The following OR13C8 variants were observed in gnomAD, a reference collection of about 807,000 sequenced individuals.
The protein encoded by OR13C8 is olfactory receptor family 13 subfamily C member 8.
For synonymous variants in OR13C8, 149 were observed against 143.6 expected (o/e 1.04, Z -0.27); for missense variants, 382 against 388.1 (o/e 0.98, Z 0.13).
In OR13C8 at chr9:104,569,578, C is replaced by G; in HGVS notation, c.411C>G (p.Ser137Arg). 6.2e-7 allele frequency: 1 copy of G among 1,614,164 alleles called. No individual in the cohort carries two copies. Among genetic ancestry groups the G allele is most frequent in the South Asian group, 1.1e-5 (1 of 91,078 alleles). Reference sequence around the variant, plus strand: ...CACTGAGATACCCTGTCATCATGAGCAAGGGTGCCTATGTGGCCATGGCAG... The same window carrying G: ...CACTGAGATACCCTGTCATCATGAGGAAGGGTGCCTATGTGGCCATGGCAG... ...CYPLRYPVIMSKGAYVAMAAG... is the reference protein window; with the variant it reads ...CYPLRYPVIMRKGAYVAMAAG... The change falls in exon 1 of 1, where the codon AGC becomes AGG. Residue 137 changes from serine to arginine, a missense_variant. Transcript: ENST00000335040.
chr9:104,569,226 A>AC lies in OR13C8; in HGVS notation c.62dup (p.Leu23AlafsTer30). The stretch of plus-strand genomic sequence containing the variant: ...TTTTTCCTGGTAGGGCTTTCTGCCC[A>AC]CCCAAAGCTCCAGACAGTTTTCTTC... On this transcript the variant is annotated frameshift_variant, in exon 1 of 1. Coordinates refer to ENST00000335040, the MANE Select transcript of OR13C8 (RefSeq NM_001004483.1). LOFTEE classifies it low-confidence loss of function (END_TRUNC). The AC allele has an allele frequency of 6.2e-7, 1 of 1,614,042 alleles. No individual in the cohort carries two copies. The highest frequency in any genetic ancestry group is 8.5e-7 in the Non-Finnish European group (1 of 1,179,912).
In OR13C8 at chr9:104,570,055, T is replaced by C. The variant is rs761272984; in HGVS notation, c.888T>C (p.Tyr296=). The C allele has an allele frequency of 4.3e-6, 7 of 1,613,922 alleles. No individual in the cohort carries two copies. The highest frequency in any genetic ancestry group is 3.3e-5 in the South Asian group (3 of 91,052). The change falls in exon 1 of 1, where the codon TAT becomes TAC. Residue 296 remains tyrosine (Y), a synonymous_variant. Coordinates refer to ENST00000335040, the MANE Select transcript of OR13C8 (RefSeq NM_001004483.1). ...CTCCCATGCTTAATCCTCTCATCTA[T>C]AGTCTGCGAAACAAGGATGTAAAGG... The part of the protein sequence containing the change: ...VMTPMLNPLI[Y]SLRNKDVKAA...
chr9:104,569,790 T>G lies in OR13C8; in HGVS notation c.623T>G (p.Val208Gly). The change falls in exon 1 of 1, where the codon GTT becomes GGT. Residue 208 changes from valine (V) to glycine (G), a missense_variant. By Grantham distance (109) the Val-to-Gly change is moderately radical. Transcript: ENST00000335040. ...SMTGSNLIVL[V>G]IPLLVISISY... ...ACAGGGTCGAATCTGATTGTTCTGG[T>G]TATTCCATTGTTAGTAATTTCCATC... 6.2e-7 allele frequency: 1 copy of G among 1,614,166 alleles called. No individual in the cohort carries two copies. The highest frequency in any genetic ancestry group is 8.5e-7 in the Non-Finnish European group (1 of 1,180,014).
rs752699615 is a variant in OR13C8 at position 104,569,264 on chromosome 9, T to C, written c.97T>C (p.Trp33Arg). 1 of 1,614,112 alleles carries C rather than the reference T, an allele frequency of 6.2e-7. No homozygotes were observed. Reference sequence around the variant, plus strand: ...GACAGTTTTCTTCGTTCTAATTTTGTGGATGTACCTGATGATCCTGCTTGG... The same window carrying C: ...GACAGTTTTCTTCGTTCTAATTTTGCGGATGTACCTGATGATCCTGCTTGG... ...LQTVFFVLIL[W>R]MYLMILLGNG... Residue 33 changes from tryptophan to arginine, a missense_variant, in exon 1 of 1, where the codon TGG (tryptophan) becomes CGG (arginine). Transcript: ENST00000335040.
At position 104,569,371 on chromosome 9, in the gene OR13C8, C is replaced by T; in HGVS notation, c.204C>T (p.Phe68=). ...PMYFFLCNLS[F]LDVCYTSSSV... ...ATTTCTTCCTCTGTAATCTTTCCTT[C>T]CTCGACGTTTGCTACACAAGTTCCT... is the stretch of plus-strand genomic sequence containing the variant. The change falls in exon 1 of 1, where the codon TTC becomes TTT. Residue 68 remains phenylalanine (F), a synonymous_variant. Transcript: ENST00000335040. 1 of 1,614,226 alleles carries T rather than the reference C, an allele frequency of 6.2e-7. No individual in the cohort carries two copies. Among genetic ancestry groups the T allele is most frequent in the East Asian group, 2.2e-5 (1 of 44,882 alleles).
rs770741644 is a variant in OR13C8, at chr9:104,569,654, G to A, written c.487G>A (p.Ala163Thr). 7.4e-6 allele frequency: 12 copies of A among 1,613,898 alleles called. No homozygotes were observed. In the South Asian group the frequency reaches 1.1e-4, roughly 15 times the overall value. ...GGACTCAGTAGTGCAGACAGCTTTT[G>A]CAATGCAGTTACCATTCTGTGCTAA... Reference protein sequence around the residue: ...LVDSVVQTAFAMQLPFCANNV... With the variant: ...LVDSVVQTAFTMQLPFCANNV... Residue 163 changes from alanine to threonine, a missense_variant, in exon 1 of 1, where the codon GCA becomes ACA. Physicochemically the swap from Ala to Thr is moderately conservative, Grantham distance 58. Coordinates refer to ENST00000335040, the MANE Select transcript of OR13C8 (RefSeq NM_001004483.1).
At position 104,569,529 on chromosome 9, in the gene OR13C8, A is replaced by G. The variant is rs762779018; in HGVS notation, c.362A>G (p.Asp121Gly). Reference sequence around the variant, plus strand: ...ATGATCTTAGGCACGATGGCACTGGACCGCTATGTGGCCATCTGCTACCCA... The same window carrying G: ...ATGATCTTAGGCACGATGGCACTGGGCCGCTATGTGGCCATCTGCTACCCA... ...ECMILGTMAL[D>G]RYVAICYPLR... The change falls in exon 1 of 1, where the codon GAC (aspartate) becomes GGC (glycine). Residue 121 changes from aspartate to glycine, a missense_variant. Physicochemically the swap from Asp to Gly is moderately conservative, Grantham distance 94. Coordinates refer to ENST00000335040, the MANE Select transcript of OR13C8 (RefSeq NM_001004483.1). 2 of 1,614,124 alleles carry G rather than the reference A, an allele frequency of 1.2e-6. No homozygotes were observed. The highest frequency in any genetic ancestry group is 1.7e-6 in the Non-Finnish European group (2 of 1,180,024).
chr9:104,569,394 C>T lies in OR13C8; in HGVS notation c.227C>T (p.Ser76Phe). 1 of 1,614,200 alleles carries T rather than the reference C, an allele frequency of 6.2e-7. No homozygotes were observed. Among genetic ancestry groups the T allele is most frequent in the Non-Finnish European group, 8.5e-7 (1 of 1,180,046 alleles). Residue 76 changes from serine (S) to phenylalanine (F), a missense_variant, in exon 1 of 1, where the codon TCC becomes TTC. Ser to Phe is a radical substitution (Grantham distance 155). Coordinates refer to ENST00000335040, the MANE Select transcript of OR13C8 (RefSeq NM_001004483.1). The part of the protein sequence containing the change: ...LSFLDVCYTS[S>F]SVPLILASFL... ...TTCCTCGACGTTTGCTACACAAGTT[C>T]CTCTGTCCCACTAATTCTTGCCAGC...
rs1829162351 is a variant in OR13C8, at chr9:104,570,112, C to A, written c.945C>A (p.Asn315Lys). 1.3e-6 allele frequency: 2 copies of A among 1,594,364 alleles called. No individual in the cohort carries two copies. The highest frequency in any genetic ancestry group is 2.2e-5 in the South Asian group (2 of 89,324). Residue 315 changes from asparagine to lysine, a missense_variant, in exon 1 of 1, where the codon AAC (asparagine) becomes AAA (lysine). By Grantham distance (94) the Asn-to-Lys change is moderately conservative. Coordinates refer to ENST00000335040, the MANE Select transcript of OR13C8 (RefSeq NM_001004483.1). ...AAVKNILCRK[N>K]FSDGK ...TCAAAAACATACTGTGTAGGAAAAA[C>A]TTTTCTGATGGAAAATGAATACTGA...
Position 104,569,768 on chromosome 9 carries a change from G to A in OR13C8, c.601G>A (p.Gly201Arg). 1.2e-6 allele frequency: 2 copies of A among 1,614,158 alleles called. No homozygotes were observed. Among genetic ancestry groups the A allele is most frequent in the Non-Finnish European group, 1.7e-6 (2 of 1,180,030 alleles). The change falls in exon 1 of 1, where the codon GGG (glycine) becomes AGG (arginine). Residue 201 changes from glycine to arginine, a missense_variant. Physicochemically the swap from Gly to Arg is moderately radical, Grantham distance 125 (BLOSUM62 -2). Transcript: ENST00000335040. The stretch of plus-strand genomic sequence containing the variant: ...TTCAATCAATGTGATTAGTATGACA[G>A]GGTCGAATCTGATTGTTCTGGTTAT... ...DISINVISMT[G>R]SNLIVLVIPL...
At position 104,569,849 on chromosome 9, in the gene OR13C8, A is replaced by C; in HGVS notation, c.682A>C (p.Ile228Leu). Reference sequence around the variant, plus strand: ...ATTTATTGTTGCCACTATTCTGAGGATTCCTTCCACTGAAGGAAAACATAA... The same window carrying C: ...ATTTATTGTTGCCACTATTCTGAGGCTTCCTTCCACTGAAGGAAAACATAA... ...YIFIVATILR[I>L]PSTEGKHKAF... Residue 228 changes from isoleucine to leucine, a missense_variant, in exon 1 of 1, where the codon ATT (isoleucine) becomes CTT (leucine). Transcript: ENST00000335040. 6.2e-7 allele frequency: 1 copy of C among 1,614,060 alleles called. No individual in the cohort carries two copies. The highest frequency in any genetic ancestry group is 8.5e-7 in the Non-Finnish European group (1 of 1,179,942).
Position 104,569,940 on chromosome 9 carries a change from T to A in OR13C8, c.773T>A (p.Met258Lys). Residue 258 changes from methionine to lysine, a missense_variant, in exon 1 of 1, where the codon ATG becomes AAG. Met to Lys is a moderately conservative substitution (Grantham distance 95). Coordinates refer to ENST00000335040, the MANE Select transcript of OR13C8 (RefSeq NM_001004483.1). ...VIIFYGTIFF[M>K]YAKPESKASV... is the part of the protein sequence containing the mutation. The stretch of plus-strand genomic sequence containing the variant: ...ATATTCTATGGAACCATCTTCTTCA[T>A]GTACGCAAAGCCTGAGTCTAAAGCC... 1 of 1,614,208 alleles carries A rather than the reference T, an allele frequency of 6.2e-7. No individual in the cohort carries two copies. The highest frequency in any genetic ancestry group is 1.3e-5 in the African/African-American group (1 of 75,058).
Position 104,569,725 on chromosome 9 carries a change from A to G in OR13C8, c.558A>G (p.Lys186=), listed in dbSNP as rs754583587. Residue 186 remains lysine, a synonymous_variant, in exon 1 of 1, where the codon AAA becomes AAG. Coordinates refer to ENST00000335040, the MANE Select transcript of OR13C8 (RefSeq NM_001004483.1). ...TCTGTGAAATTCTGGCTATCTTGAA[A>G]CTGGCCTGTGCTGATATTTCAATCA... ...HFVCEILAIL[K]LACADISINV... 1.2e-6 allele frequency: 2 copies of G among 1,614,160 alleles called. No homozygotes were observed. The highest frequency in any genetic ancestry group is 2.2e-5 in the South Asian group (2 of 91,080).
chr9:104,569,920 C>T lies in OR13C8; in HGVS notation c.753C>T (p.Phe251=). ...CSAHLTVVII[F]YGTIFFMYAK... The stretch of plus-strand genomic sequence containing the variant: ...CCCACCTGACAGTGGTGATTATATT[C>T]TATGGAACCATCTTCTTCATGTACG... The change falls in exon 1 of 1, where the codon TTC becomes TTT. Residue 251 remains phenylalanine, a synonymous_variant. Transcript: ENST00000335040. 1 of 1,614,186 alleles carries T rather than the reference C, an allele frequency of 6.2e-7. No homozygotes were observed. The highest frequency in any genetic ancestry group is 8.5e-7 in the Non-Finnish European group (1 of 1,180,032).
At position 104,569,787 on chromosome 9, in the gene OR13C8, T is replaced by C; in HGVS notation, c.620T>C (p.Leu207Pro). Residue 207 changes from leucine to proline, a missense_variant, in exon 1 of 1, where the codon CTG becomes CCG. By Grantham distance (98) the Leu-to-Pro change is moderately conservative. Transcript: ENST00000335040. ...ISMTGSNLIV[L>P]VIPLLVISIS... ...ATGACAGGGTCGAATCTGATTGTTC[T>C]GGTTATTCCATTGTTAGTAATTTCC... 6.2e-7 allele frequency: 1 copy of C among 1,614,214 alleles called. No homozygotes were observed. The highest frequency in any genetic ancestry group is 8.5e-7 in the Non-Finnish European group (1 of 1,180,028).
Position 104,569,237 on chromosome 9 carries a change from C to T in OR13C8, c.70C>T (p.Gln24Ter). ...AGGGCTTTCTGCCCACCCAAAGCTC[C>T]AGACAGTTTTCTTCGTTCTAATTTT... ...LVGLSAHPKL[Q>*]TVFFVLILWM... Residue 24 changes from glutamine (Q) to a stop codon, truncating the protein, a stop_gained, in exon 1 of 1, where the codon CAG (glutamine) becomes TAG (stop). Transcript: ENST00000335040. LOFTEE classifies it low-confidence loss of function (END_TRUNC). 1 of 1,614,136 alleles carries T rather than the reference C, an allele frequency of 6.2e-7. No individual in the cohort carries two copies. The highest frequency in any genetic ancestry group is 2.2e-5 in the East Asian group (1 of 44,876).
At position 104,569,823 on chromosome 9, in the gene OR13C8, T is replaced by A; in HGVS notation, c.656T>A (p.Ile219Lys). 6.2e-7 allele frequency: 1 copy of A among 1,614,136 alleles called. No individual in the cohort carries two copies. The highest frequency in any genetic ancestry group is 8.5e-7 in the Non-Finnish European group (1 of 1,179,972). Residue 219 changes from isoleucine to lysine, a missense_variant, in exon 1 of 1, where the codon ATA becomes AAA. Coordinates refer to ENST00000335040, the MANE Select transcript of OR13C8 (RefSeq NM_001004483.1). ...IPLLVISISY[I>K]FIVATILRIP... ...TTGTTAGTAATTTCCATCTCTTACA[T>A]ATTTATTGTTGCCACTATTCTGAGG...
rs1368652890 is a variant in OR13C8 at position 104,569,688 on chromosome 9, T to C, written c.521T>C (p.Ile174Thr). The change falls in exon 1 of 1, where the codon ATT (isoleucine) becomes ACT (threonine). Residue 174 changes from isoleucine (I) to threonine (T), a missense_variant. Physicochemically the swap from Ile to Thr is moderately conservative, Grantham distance 89. Transcript: ENST00000335040. ...MQLPFCANNVIKHFVCEILAI... is the reference protein window; with the variant it reads ...MQLPFCANNVTKHFVCEILAI... ...TTACCATTCTGTGCTAATAATGTCATTAAACATTTTGTCTGTGAAATTCTG... is the reference window on the plus strand; with the variant it reads ...TTACCATTCTGTGCTAATAATGTCACTAAACATTTTGTCTGTGAAATTCTG... The C allele has an allele frequency of 6.2e-6, 10 of 1,614,202 alleles. No homozygotes were observed. The East Asian group carries it at 2.2e-4, about 36-fold the overall frequency.
chr9:104,569,479 T>A lies in OR13C8; in HGVS notation c.312T>A (p.Ser104=), dbSNP rs774500176. 6 of 1,614,208 alleles carry A rather than the reference T, an allele frequency of 3.7e-6. No homozygotes were observed. In the South Asian group the frequency reaches 6.6e-5, roughly 18 times the overall value. The change falls in exon 1 of 1, where the codon TCT becomes TCA. Residue 104 remains serine, a synonymous_variant. Transcript: ENST00000335040. ...FSGCMVQMFI[S]FAMGATECMI... ...GGTGTATGGTGCAAATGTTTATTTC[T>A]TTTGCCATGGGGGCCACGGAGTGCA...
Sources: gnomAD v4.1 joint callset for allele counts on GRCh38, gnomAD v4.1.1 for gene constraint, MANE v1.5 for transcripts, NCBI Gene and HGNC (gene_info 2026-07-23, HGNC 2026-07-21) for gene names.